The following NLN variants were observed in gnomAD, a reference collection of about 807,000 sequenced individuals.
NLN encodes the protein neurolysin, mitochondrial.
Under a neutral mutation model 79.9 loss-of-function variants are expected in NLN, and 64 were observed. The ratio of observed to expected loss-of-function variants is 0.80; its 90% confidence interval spans 0.65 to 0.99. The LOEUF (loss-of-function observed/expected upper bound fraction) is 0.99. Ranked by LOEUF, NLN falls within the 50% of genes least tolerant of loss-of-function variation. The pLI is 0.00. For synonymous variants in NLN, 267 were observed against 296.6 expected (o/e 0.90, Z 1.02); for missense variants, 835 against 858.7 (o/e 0.97, Z 0.34).
chr5:65,788,294 T>A lies in NLN; in HGVS notation c.1135T>A (p.Phe379Ile). ...ACTCAAGTATTCCATAGACCAAGAG[T>A]TCCTCAAGGAATACTTCCCAATTGA... The part of the protein sequence containing the change: ...EELKYSIDQE[F>I]LKEYFPIEVV... The change falls in exon 8 of 13, where the codon TTC becomes ATC. Residue 379 changes from phenylalanine to isoleucine, a missense_variant. By Grantham distance (21) the Phe-to-Ile change is conservative (BLOSUM62 0). Transcript: ENST00000380985. 1.2e-6 allele frequency: 2 copies of A among 1,613,992 alleles called. No homozygotes were observed. Among genetic ancestry groups the A allele is most frequent in the Non-Finnish European group, 1.7e-6 (2 of 1,179,882 alleles).
rs746668151 is a variant in NLN, at chr5:65,758,631, G to A, written c.106G>A (p.Ala36Thr). 2.1e-5 allele frequency: 34 copies of A among 1,610,874 alleles called. No homozygotes were observed. The East Asian group carries it at 7.1e-4, about 34-fold the overall frequency. ...AAGAGAAGTGATGTCTCCTCTTCAG[G>A]CAATGTCTTCCTATACTGTGGCTGG... ...LGREVMSPLQ[A>T]MSSYTVAGRN... Residue 36 changes from alanine to threonine, a missense_variant, in exon 2 of 13, where the codon GCA (alanine) becomes ACA (threonine). By Grantham distance (58) the Ala-to-Thr change is moderately conservative. Coordinates refer to ENST00000380985, the MANE Select transcript of NLN (RefSeq NM_020726.5).
chr5:65,780,112 C>A, intron 4 of NLN, 67 bp from the exon 5 acceptor site: 1 of 713,976 alleles, frequency 1.4e-6, no homozygotes, highest in Non-Finnish European at 2.5e-6. Flanking sequence ...AGGTGTGGGC[C>A]ACCGTGCCTG....
chr5:65,811,705 C>T (rs919864664), intron 11 of NLN, among the ~76,000 whole-genome samples: 3 of 152,118 alleles, frequency 2.0e-5, no homozygotes, highest in African/African-American at 2.4e-5. Flanking sequence ...ACCTGTAATC[C>T]GAGCTACTCA....
chr5:65,803,172 G>A (rs563401908), intron 9 of NLN, among the ~76,000 whole-genome samples: 1 of 152,332 alleles, frequency 6.6e-6, no homozygotes, highest in Non-Finnish European at 1.5e-5. Context: ...AGGACTGGCA[G>A]CCTGGCCCCC....
intron 3 of NLN, among the ~76,000 whole-genome samples, chr5:65,775,974 C>G (rs988281511): frequency 6.6e-6 from 1 of 152,116 alleles, no homozygotes; most frequent in Non-Finnish European, 1.5e-5. Flanking sequence ...ATTTGTTGGC[C>G]AGGCATGGTC....
intron 1 of NLN, among the ~76,000 whole-genome samples, chr5:65,746,874 G>A (rs1310012817): frequency 6.6e-6 from 1 of 151,896 alleles, no homozygotes; most frequent in African/African-American, 2.4e-5. Context: ...CGTGGTGGTG[G>A]GCACCTGTAA....
chr5:65,736,972 G>A (rs1044374197), intron 1 of NLN, among the ~76,000 whole-genome samples: 1 of 152,046 alleles, frequency 6.6e-6, no homozygotes, highest in African/African-American at 2.4e-5. Flanking sequence ...GGGCATAGTG[G>A]CATTCATCTA....
chr5:65,780,639 G>C (rs561624241), intron 5 of NLN, among the ~76,000 whole-genome samples: 1 of 151,448 alleles, frequency 6.6e-6, no homozygotes, highest in African/African-American at 2.4e-5. Flanking sequence ...TCTTAAACTA[G>C]TCTCTTCTTA....
intron 11 of NLN, among the ~76,000 whole-genome samples, chr5:65,810,773 A>G (rs1241571212): frequency 2.0e-5 from 3 of 152,090 alleles, no homozygotes; most frequent in African/African-American, 4.8e-5. Context: ...TGAGCTCGGG[A>G]GTTCGAGACC....
At chr5:65,723,541 G>T (rs1458739277) in intron 1 of NLN, among the ~76,000 whole-genome samples, 1 of 152,174 alleles carries the variant, frequency 6.6e-6, no homozygotes, top group Non-Finnish European at 1.5e-5. Flanking sequence ...TCGGCCGGGC[G>T]CTGTGGCTCA....
rs1168977142 is a variant in NLN, at chr5:65,825,912, A to T, written c.*2997A>T. 1.3e-5 allele frequency: 2 copies of T among 152,208 alleles called. No individual in the cohort carries two copies. Among genetic ancestry groups the T allele is most frequent in the African/African-American group, 2.4e-5 (1 of 41,456 alleles). 9.4% of individuals were successfully genotyped at this position (152,208 alleles called of 1,614,324 possible). A position where few individuals can be genotyped will look rare whatever the true frequency, so the allele number is the denominator to read the frequency against. On this transcript the variant is annotated 3_prime_UTR_variant, in exon 13 of 13. Transcript: ENST00000380985. ...GTTTACCATTTATTCATTTTCTATC[A>T]TACACAGGTGGATTAAAATTTACAT...
At chr5:65,741,116 C>G (rs1758860951) in intron 1 of NLN, 1 of 152,180 alleles carries the variant, frequency 6.6e-6, no homozygotes. Context: ...AAGTGATCAG[C>G]CTGCCTTGGC....
At chr5:65,729,232 C>T (rs1758546606) in intron 1 of NLN, among the ~76,000 whole-genome samples, 1 of 151,850 alleles carries the variant, frequency 6.6e-6, no homozygotes, top group South Asian at 2.1e-4. Context: ...AACCAGTAGG[C>T]ATAATCTCCA....
Position 65,758,637 on chromosome 5 carries a change from T to A in NLN, c.112T>A (p.Ser38Thr). 1 of 1,612,896 alleles carries A rather than the reference T, an allele frequency of 6.2e-7. No homozygotes were observed. Among genetic ancestry groups the A allele is most frequent in the Non-Finnish European group, 8.5e-7 (1 of 1,178,944 alleles). ...AGTGATGTCTCCTCTTCAGGCAATG[T>A]CTTCCTATACTGTGGCTGGCAGAAA... is the stretch of plus-strand genomic sequence containing the variant. ...REVMSPLQAM[S>T]SYTVAGRNVL... The change falls in exon 2 of 13, where the codon TCT becomes ACT. Residue 38 changes from serine (S) to threonine (T), a missense_variant. By Grantham distance (58) the Ser-to-Thr change is moderately conservative. Transcript: ENST00000380985.
chr5:65,825,849 G>A lies in NLN; in HGVS notation c.*2934G>A, dbSNP rs1275513454. On this transcript the variant is annotated 3_prime_UTR_variant, in exon 13 of 13. Transcript: ENST00000380985. ...TTTAGCTTTTATGTATGAATTATAG[G>A]TCTGTGGAGATTCTGCCTCCCCACT... The A allele has an allele frequency of 6.6e-6, 1 of 152,126 alleles. No homozygotes were observed. Among genetic ancestry groups the A allele is most frequent in the Non-Finnish European group, 1.5e-5 (1 of 68,024 alleles). The allele number at this position is 152,126 out of a possible 1,614,324, so 9.4% of individuals were successfully genotyped here.
At chr5:65,740,071 C>T (rs541192488) in intron 1 of NLN, among the ~76,000 whole-genome samples, 2 of 152,260 alleles carry the variant, frequency 1.3e-5, no homozygotes, top group East Asian at 3.9e-4. Flanking sequence ...TCATTGCCCA[C>T]ACTAGTGTTA....
intron 7 of NLN, among the ~76,000 whole-genome samples, chr5:65,787,383 G>T (rs1234197362): frequency 6.6e-6 from 1 of 151,886 alleles, no homozygotes; most frequent in African/African-American, 2.4e-5. Flanking sequence ...TTCTCTTCAC[G>T]GTATTCCTCG....
rs1190915611 is a variant in NLN, at chr5:65,825,417, T to A, written c.*2502T>A. 6.6e-6 allele frequency: 1 copy of A among 152,080 alleles called. No individual in the cohort carries two copies. Among genetic ancestry groups the A allele is most frequent in the Non-Finnish European group, 1.5e-5 (1 of 68,010 alleles). 9.4% of individuals were successfully genotyped at this position (152,080 alleles called of 1,614,324 possible). On this transcript the variant is annotated 3_prime_UTR_variant, in exon 13 of 13. Transcript: ENST00000380985. ...GGGTTTTTTGTTTTTTTTTTAGGCA[T>A]TGTTATGTTGTGAAGGATAAAATCT...
In NLN at chr5:65,807,083, G is replaced by A. The variant is rs145006614; in HGVS notation, c.1528-2432G>A. Among the ~76,000 whole-genome samples, 15 of 151,874 alleles carry A rather than the reference G, an allele frequency of 9.9e-5. No individual in the cohort carries two copies. In the East Asian group the frequency reaches 2.7e-3, roughly 28 times the overall value. ...TCCCAGCTACTAGGGAAGGTAAGGC[G>A]GGAGGATCGCTTGAACCCGGGAGGC... is the stretch of plus-strand genomic sequence containing the variant. On this transcript the variant is annotated intron_variant, in intron 9 of 12. Coordinates refer to ENST00000380985, the MANE Select transcript of NLN (RefSeq NM_020726.5).
Sources: gnomAD v4.1 joint callset for allele counts (sites outside exome capture counted in the v4.1 genomes callset) on GRCh38, gnomAD v4.1.1 for gene constraint, MANE v1.5 for transcripts, NCBI Gene and HGNC (gene_info 2026-07-23, HGNC 2026-07-21) for gene names.